Variants in ZHX1 observed in about 807,000 individuals in gnomAD.
ZHX1 encodes the protein zinc fingers and homeoboxes 1, also known as zinc fingers and homeoboxes protein 1.
Under a neutral mutation model 61.8 loss-of-function variants are expected in ZHX1, and 20 were observed. The observed-to-expected ratio is 0.32, with a 90% CI of 0.23 to 0.47. ZHX1 has a LOEUF of 0.47. Among genes scored for constraint, ZHX1 ranks in the 20% least tolerant of loss-of-function variants. ZHX1 has a pLI of 1.00. For missense variants in ZHX1, 800 were observed against 1,034.8 expected, an observed-to-expected ratio of 0.77 and a Z score of 3.11; for synonymous variants, 318 against 352.6, an observed-to-expected ratio of 0.90 and a Z score of 1.10.
intron 1 of ZHX1, among the ~76,000 whole-genome samples, chr8:123,269,170 G>C (rs1826563291): frequency 6.6e-6 from 1 of 152,180 alleles, no homozygotes; most frequent in South Asian, 2.1e-4. Context: ...GGAAACAGCT[G>C]CCAAAGAGGG....
chr8:123,264,573 T>C (rs563531290), intron 2 of ZHX1, among the ~76,000 whole-genome samples: 111 of 152,184 alleles, frequency 7.3e-4, no homozygotes, highest in Non-Finnish European at 1.5e-3. Context: ...AACTTTTTTT[T>C]CTTGAGACGG....
chr8:123,268,767 C>T (rs186023348), intron 1 of ZHX1, among the ~76,000 whole-genome samples: 1 of 152,354 alleles, frequency 6.6e-6, no homozygotes, highest in African/African-American at 2.4e-5. Context: ...GCTGGGATTA[C>T]AGGCATGATC....
chr8:123,274,895 C>G (rs909187472), upstream of ZHX1, among the ~76,000 whole-genome samples: 6 of 152,114 alleles, frequency 3.9e-5, no homozygotes, highest in African/African-American at 1.4e-4. Context: ...GGCGACACGA[C>G]CCAGGCCCCG....
At chr8:123,263,868 G>A (rs1372275861) in intron 2 of ZHX1, among the ~76,000 whole-genome samples, 1 of 151,924 alleles carries the variant, frequency 6.6e-6, no homozygotes, top group Admixed American at 6.6e-5. Flanking sequence ...ACTATACTAT[G>A]TATTATTACA....
At chr8:123,265,081 C>A (rs569538231) in intron 2 of ZHX1, among the ~76,000 whole-genome samples, 1 of 149,730 alleles carries the variant, frequency 6.7e-6, no homozygotes, top group African/African-American at 2.5e-5. Context: ...TCCAGCTACT[C>A]GGGAGGTTGA....
intron 2 of ZHX1, among the ~76,000 whole-genome samples, chr8:123,264,840 T>TG (rs1826402352): frequency 6.7e-6 from 1 of 148,260 alleles, no homozygotes; most frequent in Non-Finnish European, 1.5e-5. Flanking sequence ...ATTACAGGCA[T>TG]GACCCACTGT....
At chr8:123,267,048 T>G (rs1349555173) in intron 2 of ZHX1, among the ~76,000 whole-genome samples, 2 of 152,202 alleles carry the variant, frequency 1.3e-5, no homozygotes, top group African/African-American at 4.8e-5. Context: ...ATTATAAATA[T>G]ACAAGATTTA....
Position 123,254,672 on chromosome 8 carries a change from A to T in ZHX1, c.1275T>A (p.Asn425Lys). ...LTVAGVPSQN[N>K]IQKSQVPAAQ... ...CAGCAGGTACCTGACTTTTCTGTAT[A>T]TTATTTTGACTTGGAACGCCTGCCA... The change falls in exon 3 of 4, where the codon AAT becomes AAA. Residue 425 changes from asparagine to lysine, a missense_variant. By Grantham distance (94) the Asn-to-Lys change is moderately conservative (BLOSUM62 0). Transcript: ENST00000395571. The surrounding 1 kb of genome is among the most constrained non-coding windows in gnomAD (Gnocchi z 4.1). 6.2e-7 allele frequency: 1 copy of T among 1,614,078 alleles called. No individual in the cohort carries two copies. Among genetic ancestry groups the T allele is most frequent in the Non-Finnish European group, 8.5e-7 (1 of 1,180,012 alleles).
chr8:123,267,341 T>C lies in ZHX1; in HGVS notation c.-294A>G. 6.7e-7 allele frequency: 1 copy of C among 1,490,490 alleles called. No individual in the cohort carries two copies. Among genetic ancestry groups the C allele is most frequent in the Non-Finnish European group, 9.0e-7 (1 of 1,112,710 alleles). 92.3% of individuals were successfully genotyped at this position (1,490,490 alleles called of 1,614,324 possible). A position where few individuals can be genotyped will look rare whatever the true frequency, so the allele number is the denominator to read the frequency against. The stretch of plus-strand genomic sequence containing the variant: ...TATCCCTTCTAGTTAGATGTTTAGC[T>C]CAGGCCATCATTACCAACAGGTCCA... On this transcript the variant is annotated 5_prime_UTR_variant, in exon 2 of 4. The change abolishes the stop of an existing upstream ORF in the 5' untranslated region. Transcript: ENST00000395571.
At position 123,254,710 on chromosome 8, in the gene ZHX1, T is replaced by A. The variant is rs768992606; in HGVS notation, c.1237A>T (p.Ile413Leu). 2 of 1,614,234 alleles carry A rather than the reference T, an allele frequency of 1.2e-6. No individual in the cohort carries two copies. The highest frequency in any genetic ancestry group is 1.7e-6 in the Non-Finnish European group (2 of 1,180,038). ...GGAACGCCTGCCACTGTCAAGGCTA[T>A]AGGTGCTGTAACTGGCAAGGTGTTT... Reference protein sequence around the residue: ...GTNTLPVTAPIALTVAGVPSQ... With the variant: ...GTNTLPVTAPLALTVAGVPSQ... The change falls in exon 3 of 4, where the codon ATA becomes TTA. Residue 413 changes from isoleucine (I) to leucine (L), a missense_variant. By Grantham distance (5) the Ile-to-Leu change is conservative. Coordinates refer to ENST00000395571, the MANE Select transcript of ZHX1 (RefSeq NM_007222.5). This position sits in a 1 kb window ranked among gnomAD's most constrained non-coding sequence, Gnocchi z 4.1.
In ZHX1 at chr8:123,267,261, T is replaced by C. The variant is rs1479172609; in HGVS notation, c.-226+12A>G. 2.6e-6 allele frequency: 4 copies of C among 1,530,216 alleles called. No individual in the cohort carries two copies. The highest frequency in any genetic ancestry group is 2.0e-5 in the Admixed American group (1 of 50,902). The allele number at this position is 1,530,216 out of a possible 1,614,324, so 94.8% of individuals were successfully genotyped here. On this transcript the variant is annotated intron_variant, in intron 2 of 3. Transcript: ENST00000395571. ...TCTGAGTTTTACCATACCAAAACAA[T>C]GAAACACATACTTGCCACAGCTTCC...
chr8:123,255,956 A>ATGAGGAAAAGCTCAGTGG lies in ZHX1; in HGVS notation c.-28_-11dup. The stretch of plus-strand genomic sequence containing the variant: ...TTCGCCTGCTTGCCATTCTGATGTT[A>ATGAGGAAAAGCTCAGTGG]TGAGGAAAAGCTCAGTGGTGATTAA... On this transcript the variant is annotated 5_prime_UTR_variant, in exon 3 of 4. Coordinates refer to ENST00000395571, the MANE Select transcript of ZHX1 (RefSeq NM_007222.5). 1 of 1,596,034 alleles carries ATGAGGAAAAGCTCAGTGG rather than the reference A, an allele frequency of 6.3e-7. No individual in the cohort carries two copies. Among genetic ancestry groups the ATGAGGAAAAGCTCAGTGG allele is most frequent in the South Asian group, 1.1e-5 (1 of 88,404 alleles).
In ZHX1 at chr8:123,255,572, G is replaced by A. The variant is rs762161973; in HGVS notation, c.375C>T (p.His125=). The change falls in exon 3 of 4, where the codon CAC becomes CAT. Residue 125 remains histidine (H), a synonymous_variant. Transcript: ENST00000395571. ...DALSEHNLKY[H]PGEENFKLTM... ...TCAACTTAAAATTCTCTTCTCCTGG[G>A]TGATATTTCAGATTATGCTCAGAAA... 2 of 1,613,008 alleles carry A rather than the reference G, an allele frequency of 1.2e-6. No individual in the cohort carries two copies. Among genetic ancestry groups the A allele is most frequent in the South Asian group, 2.2e-5 (2 of 90,962 alleles).
At chr8:123,252,086 A>C (rs1825935619) in intron 3 of ZHX1, among the ~76,000 whole-genome samples, 2 of 152,198 alleles carry the variant, frequency 1.3e-5, no homozygotes, top group African/African-American at 4.8e-5. Flanking sequence ...CCAAGGAAAT[A>C]AGTAAGCATG....
At chr8:123,269,829 T>C (rs1395281139) in intron 1 of ZHX1, among the ~76,000 whole-genome samples, 1 of 152,230 alleles carries the variant, frequency 6.6e-6, no homozygotes, top group East Asian at 1.9e-4. Context: ...TTGCTAACTG[T>C]TGACAAGTGA....
intron 2 of ZHX1, among the ~76,000 whole-genome samples, chr8:123,258,463 CT>C (rs1334924397): frequency 3.3e-5 from 5 of 152,160 alleles, no homozygotes; most frequent in African/African-American, 7.2e-5. Context: ...TGAGACACAG[CT>C]TTTTTGAGAT....
intron 2 of ZHX1, among the ~76,000 whole-genome samples, chr8:123,265,830 T>C (rs1677605694): frequency 6.6e-6 from 1 of 152,204 alleles, no homozygotes; most frequent in Admixed American, 6.5e-5. Flanking sequence ...TCTAAGAAAT[T>C]GTGGTCAAAG....
rs923434297 is a variant in ZHX1 at position 123,250,309 on chromosome 8, C to A, written c.*15G>T. 2 of 393,870 alleles carry A rather than the reference C, an allele frequency of 5.1e-6. No homozygotes were observed. Among genetic ancestry groups the A allele is most frequent in the Non-Finnish European group, 1.0e-5 (2 of 198,066 alleles). 24.4% of individuals were successfully genotyped at this position (393,870 alleles called of 1,614,324 possible). A position where few individuals can be genotyped will look rare whatever the true frequency, so the allele number is the denominator to read the frequency against. On this transcript the variant is annotated 3_prime_UTR_variant, in exon 4 of 4. Transcript: ENST00000395571. ...AGTTGAAGAATTGATTCTCCTTCAA[C>A]GTTTTAGGCAGCTAAAAAAGAAAAA...
rs745890032 is a variant in ZHX1 at position 123,254,590 on chromosome 8, C to T, written c.1357G>A (p.Val453Ile). ...ATAAVPTSQS[V>I]KHETALVNPD... ...TTTACCAATGCAGTTTCATGTTTGACACTTTGAGAAGTTGGAACTGCTGCT... is the reference window on the plus strand; with the variant it reads ...TTTACCAATGCAGTTTCATGTTTGATACTTTGAGAAGTTGGAACTGCTGCT... Residue 453 changes from valine (V) to isoleucine (I), a missense_variant, in exon 3 of 4, where the codon GTC (valine) becomes ATC (isoleucine). Val to Ile is a conservative substitution (Grantham distance 29). Coordinates refer to ENST00000395571, the MANE Select transcript of ZHX1 (RefSeq NM_007222.5). The surrounding 1 kb of genome is among the most constrained non-coding windows in gnomAD (Gnocchi z 4.1). 6.2e-7 allele frequency: 1 copy of T among 1,614,178 alleles called. No homozygotes were observed. The highest frequency in any genetic ancestry group is 8.5e-7 in the Non-Finnish European group (1 of 1,180,016).
Sources: allele counts gnomAD v4.1 joint callset (sites outside exome capture counted in the v4.1 genomes callset), GRCh38; gene constraint gnomAD v4.1.1; non-coding constraint Gnocchi (gnomAD v3.1); transcripts MANE v1.5; gene names NCBI Gene and HGNC (gene_info 2026-07-23, HGNC 2026-07-21).